ACVR1C: variants seen among roughly 807,000 people sequenced by gnomAD.
ACVR1C encodes the protein activin A receptor type 1C.
ACVR1C carries 23 observed loss-of-function variants against 57.9 expected under a neutral mutation model. The observed-to-expected ratio is 0.40, with a 90% CI of 0.29 to 0.56. The LOEUF (loss-of-function observed/expected upper bound fraction) is 0.56. ACVR1C is among the 20% of genes least tolerant of loss of function. ACVR1C has a pLI of 0.50. For missense variants in ACVR1C, 480 were observed against 607.9 expected (o/e 0.79, Z 2.21); for synonymous variants, 214 against 215.3 (o/e 0.99, Z 0.05).
chr2:157,532,955 A>G lies in ACVR1C; in HGVS notation c.*963T>C, dbSNP rs1687391203. On this transcript the variant is annotated 3_prime_UTR_variant, in exon 9 of 9. Coordinates refer to ENST00000243349, the MANE Select transcript of ACVR1C (RefSeq NM_145259.3). Reference sequence around the variant, plus strand: ...GTTTGATTAATCTTTGGAAGTGTTCAGAAAACATTAATGCTCATTAACAAA... The same window carrying G: ...GTTTGATTAATCTTTGGAAGTGTTCGGAAAACATTAATGCTCATTAACAAA... 6.6e-6 allele frequency: 1 copy of G among 152,226 alleles called. No homozygotes were observed. The highest frequency in any genetic ancestry group is 6.5e-5 in the Admixed American group (1 of 15,270). The allele number at this position is 152,226 out of a possible 1,614,324, so 9.4% of individuals were successfully genotyped here.
intron 1 of ACVR1C, among the ~76,000 whole-genome samples, chr2:157,614,699 A>T (rs1682602674): frequency 6.6e-6 from 1 of 152,206 alleles, no homozygotes; most frequent in Admixed American, 6.5e-5. Context: ...CATACACAAC[A>T]TTATGATATC....
chr2:157,625,084 T>G (rs190188000), intron 1 of ACVR1C, among the ~76,000 whole-genome samples: 77 of 152,312 alleles, frequency 5.1e-4, no homozygotes, highest in African/African-American at 1.7e-3. Flanking sequence ...TCAGTCCATA[T>G]TTATCCCCTG....
chr2:157,558,114 G>T (rs979268853), intron 2 of ACVR1C, among the ~76,000 whole-genome samples: 6 of 152,158 alleles, frequency 3.9e-5, no homozygotes, highest in African/African-American at 1.4e-4. Flanking sequence ...TCAAGGAGAA[G>T]GAGAGGAATC....
intron 2 of ACVR1C, among the ~76,000 whole-genome samples, chr2:157,580,187 A>G (rs1688756908): frequency 6.6e-6 from 1 of 152,032 alleles, no homozygotes; most frequent in Admixed American, 6.6e-5. Flanking sequence ...TTTCTACCCA[A>G]TATTTAAATT....
At chr2:157,566,966 G>A (rs1688404756) in intron 2 of ACVR1C, among the ~76,000 whole-genome samples, 1 of 119,242 alleles carries the variant, frequency 8.4e-6, no homozygotes, top group Non-Finnish European at 1.7e-5. Flanking sequence ...AAGTGTCCCT[G>A]TCTGACAGCT....
chr2:157,545,393 T>C (rs974080838), intron 4 of ACVR1C, among the ~76,000 whole-genome samples: 1 of 152,212 alleles, frequency 6.6e-6, no homozygotes, highest in Admixed American at 6.5e-5. Context: ...TGACAGCTCT[T>C]TGTTATCCAA....
rs546877776 is a variant in ACVR1C, at chr2:157,601,676, A to C, written c.74-14259T>G. Among the ~76,000 whole-genome samples, 7 of 152,340 alleles carry C rather than the reference A, an allele frequency of 4.6e-5. No individual in the cohort carries two copies. The East Asian group carries it at 1.4e-3, about 29-fold the overall frequency. ...CTGCGTCTGAGTTTAACATTGTTGG[A>C]ATTCAGCAAGGTGCAGTAAAAAAGA... On this transcript the variant is annotated intron_variant, in intron 1 of 8. Coordinates refer to ENST00000243349, the MANE Select transcript of ACVR1C (RefSeq NM_145259.3).
At position 157,529,582 on chromosome 2, in the gene ACVR1C, A is replaced by G. The variant is rs1021403481; in HGVS notation, c.*4336T>C. 2 of 152,018 alleles carry G rather than the reference A, an allele frequency of 1.3e-5. No individual in the cohort carries two copies. The highest frequency in any genetic ancestry group is 2.4e-5 in the African/African-American group (1 of 41,412). The allele number at this position is 152,018 out of a possible 1,614,324, so 9.4% of individuals were successfully genotyped here. A position where few individuals can be genotyped will look rare whatever the true frequency, so the allele number is the denominator to read the frequency against. ...TCTGCTAGTAACTAGTAGTCATTTAATCTCTGATCCTTGGTTTCGTCATCT... is the reference window on the plus strand; with the variant it reads ...TCTGCTAGTAACTAGTAGTCATTTAGTCTCTGATCCTTGGTTTCGTCATCT... On this transcript the variant is annotated 3_prime_UTR_variant, in exon 9 of 9. Transcript: ENST00000243349.
At chr2:157,550,110 C>G (rs1687879870) in intron 4 of ACVR1C, 52 bp downstream of exon 4, 1 of 1,507,878 alleles carries the variant, frequency 6.6e-7, no homozygotes, top group Non-Finnish European at 9.1e-7. Flanking sequence ...GAGACAGAGT[C>G]TCGCTCTAGA....
chr2:157,585,724 C>T (rs1009704586), intron 2 of ACVR1C, among the ~76,000 whole-genome samples: 1 of 152,040 alleles, frequency 6.6e-6, no homozygotes, highest in African/African-American at 2.4e-5. Context: ...CACAGATAAA[C>T]TGGGGGATAA....
chr2:157,544,980 G>A (rs941430265), intron 4 of ACVR1C, among the ~76,000 whole-genome samples: 1 of 152,044 alleles, frequency 6.6e-6, no homozygotes, highest in Non-Finnish European at 1.5e-5. Context: ...ACTACTCTGA[G>A]CTTTTAAGAA....
intron 2 of ACVR1C, among the ~76,000 whole-genome samples, chr2:157,578,364 A>T (rs926035619): frequency 6.6e-6 from 1 of 152,192 alleles, no homozygotes; most frequent in Non-Finnish European, 1.5e-5. Flanking sequence ...CTTCTCCTAG[A>T]CAGAATAAGG....
At chr2:157,535,273 A>G (rs1297184172) in intron 8 of ACVR1C, among the ~76,000 whole-genome samples, 5 of 152,148 alleles carry the variant, frequency 3.3e-5, no homozygotes, top group Non-Finnish European at 5.9e-5. Context: ...TGGTGAAGGA[A>G]AAAACAAGCC....
intron 1 of ACVR1C, among the ~76,000 whole-genome samples, chr2:157,592,191 C>CATTTGCATCTAA (rs1689065169): frequency 1.3e-5 from 2 of 151,980 alleles, no homozygotes; most frequent in Non-Finnish European, 2.9e-5. Context: ...CTAAAATAAA[C>CATTTGCATCTAA]AATCTCACCT....
At chr2:157,550,012 A>G in intron 4 of ACVR1C, 150 bp downstream of exon 4, 1 of 756,654 alleles carries the variant, frequency 1.3e-6, no homozygotes, top group East Asian at 2.7e-5. Context: ...CAAAAAAAAA[A>G]AAAAAGAAAG....
chr2:157,544,412 A>C, intron 5 of ACVR1C, 33 bp downstream of exon 5: 2 of 1,577,260 alleles, frequency 1.3e-6, no homozygotes, highest in Non-Finnish European at 8.6e-7. Flanking sequence ...CCTCATATTC[A>C]AAGTGGAAAA....
At chr2:157,579,168 A>G (rs547154965) in intron 2 of ACVR1C, among the ~76,000 whole-genome samples, 1 of 152,132 alleles carries the variant, frequency 6.6e-6, no homozygotes, top group African/African-American at 2.4e-5. Context: ...CGTTCTTCTC[A>G]ATTCTGGAAA....
rs578164781 is a variant in ACVR1C at position 157,540,127 on chromosome 2, G to A, written c.1225+963C>T. On this transcript the variant is annotated intron_variant, in intron 7 of 8. Transcript: ENST00000243349. ...TAAATCCTTAAAGCCCATGGGATCA[G>A]TTTTTGTATTATCTTCATTTTACAG... 5.3e-5 allele frequency among the ~76,000 whole-genome samples: 8 copies of A among 152,264 alleles called. 1 individual carries two copies. The South Asian group carries it at 1.7e-3, about 32-fold the overall frequency.
intron 2 of ACVR1C, among the ~76,000 whole-genome samples, chr2:157,577,185 C>T (rs1482649529): frequency 6.6e-6 from 1 of 152,132 alleles, no homozygotes; most frequent in African/African-American, 2.4e-5. Context: ...TATATTTTTA[C>T]TGCCCATTTT....
Sources: allele counts gnomAD v4.1 joint callset (sites outside exome capture counted in the v4.1 genomes callset), GRCh38; gene constraint gnomAD v4.1.1; transcripts MANE v1.5; gene names NCBI Gene and HGNC (gene_info 2026-07-23, HGNC 2026-07-21).